Variants in IQGAP1 observed in about 807,000 individuals in gnomAD.
IQGAP1 encodes ras GTPase-activating-like protein IQGAP1.
IQGAP1 carries 66 observed loss-of-function variants against 215.6 expected under a neutral mutation model. The ratio of observed to expected loss-of-function variants is 0.31; its 90% CI spans 0.25 to 0.38. The LOEUF is 0.38. Among genes scored for constraint, IQGAP1 ranks in the 10% least tolerant of loss-of-function variants. The pLI is 1.00. For synonymous variants in IQGAP1, 772 were observed against 728.7 expected (o/e 1.06, Z -0.96); for missense variants, 1,712 against 1,997.1 (o/e 0.86, Z 2.72).
chr15:90,448,433 T>C (rs1257147796), intron 9 of IQGAP1, 140 bp from the exon 10 acceptor site: 4 of 696,322 alleles, frequency 5.7e-6, no homozygotes, highest in Non-Finnish European at 8.9e-6. Context: ...CAAGATCTTA[T>C]GCTTCTGAGA....
chr15:90,443,500 G>A (rs569358877), intron 9 of IQGAP1, 22 bp downstream of exon 9: 1 of 1,295,008 alleles, frequency 7.7e-7, no homozygotes, highest in East Asian at 2.3e-5. Flanking sequence ...CCTGAATCAG[G>A]CACCTAAAGG....
At chr15:90,491,585 A>G in intron 34 of IQGAP1, 40 bp downstream of exon 34, 1 of 1,544,678 alleles carries the variant, frequency 6.5e-7, no homozygotes, top group South Asian at 1.1e-5. Flanking sequence ...GGCCTTGTTC[A>G]AAGCTGAGAG....
intron 2 of IQGAP1, among the ~76,000 whole-genome samples, chr15:90,406,608 A>G (rs1044276850): frequency 1.3e-5 from 2 of 152,236 alleles, no homozygotes; most frequent in Non-Finnish European, 2.9e-5. Flanking sequence ...AGAGCTGCAG[A>G]TTTTTAGTTC....
In IQGAP1 at chr15:90,432,562, A is replaced by G. The variant is rs182290958; in HGVS notation, c.391-1157A>G. Among the ~76,000 whole-genome samples, 287 of 152,240 alleles carry G rather than the reference A, an allele frequency of 1.9e-3. 7 individuals carry two copies. The highest frequency in any genetic ancestry group is 0.018 in the Admixed American group (271 of 15,300). On this transcript the variant is annotated intron_variant, in intron 4 of 37. Transcript: ENST00000268182. ...ATAATAATCTGATTTTATCCTACCTATCCAACCTTATTTTTCTGTTATTTT... is the reference window on the plus strand; with the variant it reads ...ATAATAATCTGATTTTATCCTACCTGTCCAACCTTATTTTTCTGTTATTTT...
At chr15:90,405,605 G>A (rs549761622) in intron 2 of IQGAP1, among the ~76,000 whole-genome samples, 1 of 152,276 alleles carries the variant, frequency 6.6e-6, no homozygotes, top group Admixed American at 6.5e-5. Flanking sequence ...CAGAAATACT[G>A]AGTTAAACCA....
At chr15:90,419,010 T>G (rs1190209732) in intron 2 of IQGAP1, among the ~76,000 whole-genome samples, 1 of 151,996 alleles carries the variant, frequency 6.6e-6, no homozygotes, top group Non-Finnish European at 1.5e-5. Flanking sequence ...AGCCGGGTGT[T>G]GTGGCACATG....
chr15:90,473,400 T>TA, intron 19 of IQGAP1: 2 of 402,550 alleles, frequency 5.0e-6, no homozygotes, highest in South Asian at 5.3e-5. Context: ...TCCCCATCTG[T>TA]AAAAGGGGAA....
At chr15:90,394,949 G>A (rs921285391) in intron 2 of IQGAP1, among the ~76,000 whole-genome samples, 2 of 152,190 alleles carry the variant, frequency 1.3e-5, no homozygotes, top group Admixed American at 1.3e-4. Context: ...GAGGCAGTGA[G>A]TATAAGTAAG....
chr15:90,473,386 T>C (rs1451534456), intron 19 of IQGAP1, among the ~76,000 whole-genome samples: 1 of 152,152 alleles, frequency 6.6e-6, no homozygotes, highest in Non-Finnish European at 1.5e-5. Context: ...TCTCCAAGTC[T>C]TTGTCCCCAT....
At position 90,494,825 on chromosome 15, in the gene IQGAP1, C is replaced by G. The variant is rs758993035; in HGVS notation, c.4741C>G (p.Gln1581Glu). The part of the protein sequence containing the change: ...KGVLLEIEDL[Q>E]VNQFKNVIFE... ...AGTTCTTCTGGAAATTGAGGACCTG[C>G]AAGTGAATCAGTGAGTCTTTGCTTT... is the stretch of plus-strand genomic sequence containing the variant. The change falls in exon 36 of 38, where the codon CAA becomes GAA. Residue 1581 changes from glutamine to glutamate, a missense_variant. By Grantham distance (29) the Gln-to-Glu change is conservative. Transcript: ENST00000268182. 4 of 1,603,224 alleles carry G rather than the reference C, an allele frequency of 2.5e-6. No individual in the cohort carries two copies. The highest frequency in any genetic ancestry group is 3.4e-6 in the Non-Finnish European group (4 of 1,173,762).
intron 11 of IQGAP1, among the ~76,000 whole-genome samples, chr15:90,451,254 G>T (rs2151023211): frequency 6.6e-6 from 1 of 152,252 alleles, no homozygotes; most frequent in South Asian, 2.1e-4. Context: ...TGGCTATAAA[G>T]GGATACTTGA....
Position 90,415,472 on chromosome 15 carries a change from T to A in IQGAP1, c.156-10638T>A, listed in dbSNP as rs73476865. 4.7e-3 allele frequency among the ~76,000 whole-genome samples: 723 copies of A among 152,332 alleles called. 9 individuals carry two copies. Among genetic ancestry groups the A allele is most frequent in the African/African-American group, 0.017 (709 of 41,576 alleles). ...TCCTTTCTGATTTCTGCTTCTGTAGTAGTGTTTGTAAACTTCTTTCTCATT... is the reference window on the plus strand; with the variant it reads ...TCCTTTCTGATTTCTGCTTCTGTAGAAGTGTTTGTAAACTTCTTTCTCATT... On this transcript the variant is annotated intron_variant, in intron 2 of 37. Transcript: ENST00000268182.
At chr15:90,473,690 C>G in intron 19 of IQGAP1, 25 bp from the exon 20 acceptor site, 1 of 1,537,162 alleles carries the variant, frequency 6.5e-7, no homozygotes, top group Non-Finnish European at 9.0e-7. Flanking sequence ...AGTAATATGT[C>G]TTCTGTAACA....
intron 32 of IQGAP1, 133 bp from the exon 33 acceptor site, chr15:90,487,359 GTAC>G: frequency 1.4e-6 from 1 of 693,306 alleles, no homozygotes; most frequent in South Asian, 1.8e-5. Context: ...TGTGCCTTGA[GTAC>G]TGTGTACTGG....
At chr15:90,479,808 C>A (rs1406762819) in intron 26 of IQGAP1, among the ~76,000 whole-genome samples, 1 of 152,082 alleles carries the variant, frequency 6.6e-6, no homozygotes, top group Admixed American at 6.6e-5. Flanking sequence ...GGTCTGTTAT[C>A]AGGACTCAGA....
chr15:90,432,799 C>T (rs1271750313), intron 4 of IQGAP1, among the ~76,000 whole-genome samples: 6 of 152,120 alleles, frequency 3.9e-5, no homozygotes, highest in Non-Finnish European at 1.5e-5. Flanking sequence ...CTTCTCACCT[C>T]ATTATTCAGT....
chr15:90,403,308 A>G (rs994062929), intron 2 of IQGAP1, among the ~76,000 whole-genome samples: 2 of 152,182 alleles, frequency 1.3e-5, no homozygotes, highest in African/African-American at 4.8e-5. Context: ...TTCATAATTG[A>G]TAGTTTAAAA....
chr15:90,497,864 A>G (rs1243353734), intron 37 of IQGAP1, among the ~76,000 whole-genome samples: 3 of 152,210 alleles, frequency 2.0e-5, no homozygotes, highest in Non-Finnish European at 4.4e-5. Flanking sequence ...ACGTTAAAAA[A>G]TAACAGGGCA....
intron 2 of IQGAP1, among the ~76,000 whole-genome samples, chr15:90,393,256 T>G (rs367911574): frequency 6.6e-6 from 1 of 152,106 alleles, no homozygotes; most frequent in South Asian, 2.1e-4. Context: ...CCACAGTTGC[T>G]CAACTTCCTT....
Sources: allele counts gnomAD v4.1 joint callset (sites outside exome capture counted in the v4.1 genomes callset), GRCh38; gene constraint gnomAD v4.1.1; transcripts MANE v1.5; gene names NCBI Gene and HGNC (gene_info 2026-07-23, HGNC 2026-07-21).